STAM2: variants seen among roughly 807,000 people sequenced by gnomAD.
The protein encoded by STAM2 is signal transducing adapter molecule 2.
In STAM2, 51 loss-of-function variants were observed where a neutral mutation model predicts 65.6. The observed-to-expected ratio is 0.78, with a 90% CI of 0.62 to 0.98. The LOEUF (loss-of-function observed/expected upper bound fraction) is 0.98, where lower values mean the gene tolerates loss of function less well. Among genes scored for constraint, STAM2 ranks in the 50% least tolerant of loss-of-function variants. The pLI, the probability that STAM2 is intolerant of heterozygous loss-of-function variation, is 0.00. For missense variants in STAM2, 584 were observed against 617.8 expected (o/e 0.95, Z 0.58); for synonymous variants, 198 against 208.4 (o/e 0.95, Z 0.43).
chr2:152,126,147 A>G (rs1486055547), intron 12 of STAM2, 79 bp downstream of exon 12: 2 of 1,182,308 alleles, frequency 1.7e-6, no homozygotes, highest in African/African-American at 3.2e-5. Flanking sequence ...AGAAATCTTA[A>G]TACTATGCTA....
chr2:152,129,613 G>C (rs1246085777), intron 11 of STAM2, among the ~76,000 whole-genome samples: 1 of 152,112 alleles, frequency 6.6e-6, no homozygotes, highest in African/African-American at 2.4e-5. Flanking sequence ...TGTAGAATGT[G>C]TGGACATACA....
intron 7 of STAM2, among the ~76,000 whole-genome samples, chr2:152,139,242 A>G (rs766430250): frequency 2.5e-4 from 38 of 152,256 alleles, no homozygotes; most frequent in Non-Finnish European, 4.9e-4. Flanking sequence ...AGAATAAATC[A>G]CAACTGAGTG....
chr2:152,173,078 G>C (rs1401944463), intron 1 of STAM2, among the ~76,000 whole-genome samples: 6 of 151,590 alleles, frequency 4.0e-5, no homozygotes, highest in Non-Finnish European at 7.4e-5. Context: ...TCCTCCATTA[G>C]ATTGAGAGTT....
rs770003203 is a variant in STAM2, at chr2:152,120,253, A to G, written c.*321T>C. 22 of 223,118 alleles carry G rather than the reference A, an allele frequency of 9.9e-5. No homozygotes were observed. Among genetic ancestry groups the G allele is most frequent in the Non-Finnish European group, 1.3e-4 (16 of 121,712 alleles). 13.8% of individuals were successfully genotyped at this position (223,118 alleles called of 1,614,324 possible). ...GCCTGGGTGACAGAGCGAGTTTGTCATAAGTATCTCATACTGTTTGTCATA... is the reference window on the plus strand; with the variant it reads ...GCCTGGGTGACAGAGCGAGTTTGTCGTAAGTATCTCATACTGTTTGTCATA... On this transcript the variant is annotated 3_prime_UTR_variant, in exon 14 of 14. Coordinates refer to ENST00000263904, the MANE Select transcript of STAM2 (RefSeq NM_005843.6).
chr2:152,153,491 CT>C (rs1196566365), intron 1 of STAM2, among the ~76,000 whole-genome samples: 1 of 151,892 alleles, frequency 6.6e-6, no homozygotes, highest in East Asian at 1.9e-4. Context: ...CAGTTAAATA[CT>C]GGAACTCGCT....
At chr2:152,170,203 T>C (rs1339300199) in intron 1 of STAM2, among the ~76,000 whole-genome samples, 1 of 150,072 alleles carries the variant, frequency 6.7e-6, no homozygotes, top group East Asian at 2.1e-4. Context: ...TGCACTCCAC[T>C]GGGCACAGTG....
chr2:152,139,269 A>G (rs1271802609), intron 7 of STAM2, among the ~76,000 whole-genome samples: 1 of 152,246 alleles, frequency 6.6e-6, no homozygotes, highest in Non-Finnish European at 1.5e-5. Context: ...AAAAAATGAT[A>G]CAAGTGTAAA....
chr2:152,136,208 C>T (rs749505232), intron 7 of STAM2, among the ~76,000 whole-genome samples: 7 of 151,826 alleles, frequency 4.6e-5, no homozygotes, highest in Non-Finnish European at 7.4e-5. Flanking sequence ...TTTGGGAGGC[C>T]GAGGCGAGTG....
intron 1 of STAM2, among the ~76,000 whole-genome samples, chr2:152,158,012 A>G (rs907222217): frequency 1.3e-5 from 2 of 152,264 alleles, no homozygotes; most frequent in Non-Finnish European, 2.9e-5. Flanking sequence ...AATCAAGATT[A>G]GTCAATAAAA....
intron 1 of STAM2, among the ~76,000 whole-genome samples, chr2:152,155,571 C>G (rs889914008): frequency 2.6e-5 from 4 of 152,164 alleles, no homozygotes; most frequent in Non-Finnish European, 5.9e-5. Flanking sequence ...GTGGGGAAGG[C>G]AATGCTTCAA....
At chr2:152,145,281 C>G (rs1436882575) in intron 5 of STAM2, among the ~76,000 whole-genome samples, 1 of 152,100 alleles carries the variant, frequency 6.6e-6, no homozygotes, top group Non-Finnish European at 1.5e-5. Flanking sequence ...GTTTCCTGGG[C>G]TGATCTGCAA....
chr2:152,135,231 T>C (rs970530399), intron 8 of STAM2, among the ~76,000 whole-genome samples: 1 of 152,234 alleles, frequency 6.6e-6, no homozygotes, highest in South Asian at 2.1e-4. Flanking sequence ...GTTAGGTTGA[T>C]TTAAATACCT....
rs369915533 is a variant in STAM2, at chr2:152,143,780, T to C, written c.704+47A>G. 117 of 1,437,830 alleles carry C rather than the reference T, an allele frequency of 8.1e-5. No homozygotes were observed. In the African/African-American group the frequency reaches 1.4e-3, roughly 17 times the overall value. 89.1% of individuals were successfully genotyped at this position (1,437,830 alleles called of 1,614,324 possible). On this transcript the variant is annotated intron_variant, in intron 7 of 13. Transcript: ENST00000263904. ...AGAACTGAATACTCTGGATTCTAAA[T>C]TAAGGGCATTACACTTTAAACCTTC...
rs781688227 is a variant in STAM2, at chr2:152,126,362, G to C, written c.1043C>G (p.Ser348Cys). The change falls in exon 12 of 14, where the codon TCT (serine) becomes TGT (cysteine). Residue 348 changes from serine to cysteine, a missense_variant. Ser to Cys is a moderately radical substitution (Grantham distance 112). Transcript: ENST00000263904. ...TTCCAGGACTTTAACATTCAATTCA[G>C]ACAATTCTGAATGCTTCCTGATGTA... ...EEIDRKHSEL[S>C]ELNVKVLEAL... 22 of 1,573,672 alleles carry C rather than the reference G, an allele frequency of 1.4e-5. No individual in the cohort carries two copies. The highest frequency in any genetic ancestry group is 1.8e-5 in the Non-Finnish European group (21 of 1,161,488).
In STAM2 at chr2:152,147,998, A is replaced by G. The variant is rs555948702; in HGVS notation, c.300+26T>C. 5 of 1,542,068 alleles carry G rather than the reference A, an allele frequency of 3.2e-6. No homozygotes were observed. The South Asian group carries it at 5.9e-5, about 18-fold the overall frequency. ...ACAATCTACATTTTTTTAATGACTT[A>G]AAGTTCTTCTGTTTTTAAAATTTAC... On this transcript the variant is annotated intron_variant, in intron 4 of 13. Transcript: ENST00000263904.
chr2:152,131,989 G>A (rs1689072340), intron 11 of STAM2, 125 bp downstream of exon 11: 2 of 616,734 alleles, frequency 3.2e-6, no homozygotes, highest in Non-Finnish European at 5.5e-6. Context: ...TAAAAGCCTG[G>A]GAAACTGAAA....
At chr2:152,149,180 C>T (rs1201695489) in intron 2 of STAM2, among the ~76,000 whole-genome samples, 1 of 152,002 alleles carries the variant, frequency 6.6e-6, no homozygotes, top group African/African-American at 2.4e-5. Flanking sequence ...TTATCTACTT[C>T]ATTATTTAAA....
intron 1 of STAM2, among the ~76,000 whole-genome samples, chr2:152,158,714 C>G (rs903850339): frequency 5.3e-5 from 8 of 152,038 alleles, no homozygotes; most frequent in African/African-American, 1.7e-4. Context: ...ATTTATTTCT[C>G]ACAGTTCTGG....
rs202230533 is a variant in STAM2 at position 152,166,480 on chromosome 2, T to C, written c.40+9123A>G. Among the ~76,000 whole-genome samples the C allele has an allele frequency of 2.4e-4, 36 of 152,300 alleles. 1 individual carries two copies. Among genetic ancestry groups the C allele is most frequent in the South Asian group, 1.2e-3 (6 of 4,826 alleles). On this transcript the variant is annotated intron_variant, in intron 1 of 13. Coordinates refer to ENST00000263904, the MANE Select transcript of STAM2 (RefSeq NM_005843.6). ...CCAGAGTTTGATATCCTACCCTACATACATATATACACAGCCTATTCTTAA... is the reference window on the plus strand; with the variant it reads ...CCAGAGTTTGATATCCTACCCTACACACATATATACACAGCCTATTCTTAA...
Sources: gnomAD v4.1 joint callset for allele counts (sites outside exome capture counted in the v4.1 genomes callset) on GRCh38, gnomAD v4.1.1 for gene constraint, MANE v1.5 for transcripts, NCBI Gene and HGNC (gene_info 2026-07-23, HGNC 2026-07-21) for gene names.